Variants in CIMIP4 observed in about 807,000 individuals in gnomAD.
The protein encoded by CIMIP4 is protein EAN57.
the CIMIP4 span, among the ~76,000 whole-genome samples, chr22:36,996,913 G>C: frequency 6.6e-6 from 1 of 152,196 alleles, no homozygotes; most frequent in Non-Finnish European, 1.5e-5. Context: ...GTCACCGGGA[G>C]GAAAGATGAG....
chr22:37,002,450 G>A, the CIMIP4 span: 1 of 520,110 alleles, frequency 1.9e-6, no homozygotes, highest in Admixed American at 3.8e-5. Flanking sequence ...CAGAGAAGGG[G>A]AGAGGGACGG....
At chr22:36,991,712 G>T in the CIMIP4 span, 4 of 840,738 alleles carry the variant, frequency 4.8e-6, no homozygotes, top group Admixed American at 2.2e-5. Context: ...AGGAGAGTGG[G>T]AAGGGTTTCA....
chr22:36,999,999 AGG>A, the CIMIP4 span: 10 of 1,603,736 alleles, frequency 6.2e-6, no homozygotes, highest in Non-Finnish European at 7.7e-6. Context: ...GCAGGGAGGC[AGG>A]GATGACAGAC....
At chr22:36,992,192 C>T in the CIMIP4 span, among the ~76,000 whole-genome samples, 13 of 152,076 alleles carry the variant, frequency 8.5e-5, no homozygotes, top group African/African-American at 3.1e-4. Context: ...ACTAAAAATA[C>T]AAAAATTAGC....
chr22:37,000,195 G>A, the CIMIP4 span, among the ~76,000 whole-genome samples: 1 of 152,090 alleles, frequency 6.6e-6, no homozygotes, highest in Non-Finnish European at 1.5e-5. Context: ...CTGTGGGTGG[G>A]GGGCATCAAG....
chr22:37,001,931 C>T, the CIMIP4 span: 24 of 1,613,652 alleles, frequency 1.5e-5, no homozygotes, highest in Non-Finnish European at 1.9e-5. Context: ...CGTGGGCGTG[C>T]TCCTCTGGTC....
the CIMIP4 span, among the ~76,000 whole-genome samples, chr22:37,004,660 C>T: frequency 6.6e-6 from 1 of 151,456 alleles, no homozygotes; most frequent in Non-Finnish European, 1.5e-5. Flanking sequence ...CTGCAGCTTT[C>T]GTGCTTGTGT....
At chr22:37,002,073 CCA>C in the CIMIP4 span, 8 of 1,603,880 alleles carry the variant, frequency 5.0e-6, no homozygotes, top group South Asian at 9.0e-5. Flanking sequence ...GGGTCCATGC[CCA>C]GAGAATCCCT....
the CIMIP4 span, among the ~76,000 whole-genome samples, chr22:36,997,483 T>C: frequency 2.6e-5 from 4 of 152,230 alleles, no homozygotes; most frequent in Non-Finnish European, 5.9e-5. Flanking sequence ...AGAATCCTAC[T>C]ACATCAGGCC....
At chr22:36,998,626 C>T in the CIMIP4 span, among the ~76,000 whole-genome samples, 1 of 152,142 alleles carries the variant, frequency 6.6e-6, no homozygotes, top group Non-Finnish European at 1.5e-5. Flanking sequence ...GCAGAAGGAA[C>T]ACCTGACTTT....
At chr22:37,001,064 G>A in the CIMIP4 span, among the ~76,000 whole-genome samples, 2 of 152,158 alleles carry the variant, frequency 1.3e-5, no homozygotes, top group Admixed American at 1.3e-4. Flanking sequence ...GGGTTGAGAT[G>A]GTGGCTTTAA....
At chr22:36,991,429 C>T in the CIMIP4 span, 8 of 1,590,824 alleles carry the variant, frequency 5.0e-6, no homozygotes, top group African/African-American at 9.4e-5. Context: ...CCAACACACC[C>T]TGCTGGTGGA....
chr22:36,999,833 A>G, the CIMIP4 span: 1 of 1,611,130 alleles, frequency 6.2e-7, no homozygotes, highest in Non-Finnish European at 8.5e-7. Context: ...TTGCCCTTTG[A>G]CTTGACCTCG....
chr22:36,995,761 G>A, the CIMIP4 span, among the ~76,000 whole-genome samples: 1 of 152,136 alleles, frequency 6.6e-6, no homozygotes, highest in Non-Finnish European at 1.5e-5. Context: ...TGTAAGACGT[G>A]CCTTTCACCT....
chr22:37,005,911 T>A, the CIMIP4 span, among the ~76,000 whole-genome samples: 6 of 152,204 alleles, frequency 3.9e-5, no homozygotes, highest in East Asian at 1.2e-3. Context: ...AGAAATAGCT[T>A]CAGAAGGCTG....
chr22:36,995,142 C>T, the CIMIP4 span, among the ~76,000 whole-genome samples: 1 of 152,122 alleles, frequency 6.6e-6, no homozygotes, highest in Non-Finnish European at 1.5e-5. Context: ...AATCAGAATT[C>T]CAACAATGGA....
chr22:36,993,024 T>G, the CIMIP4 span, among the ~76,000 whole-genome samples: 4 of 149,976 alleles, frequency 2.7e-5, no homozygotes, highest in Non-Finnish European at 5.9e-5. Flanking sequence ...TTCTTTTTTT[T>G]TTTTTTGAGA....
the CIMIP4 span, among the ~76,000 whole-genome samples, chr22:36,999,576 A>AGGGGGGG: frequency 4.4e-3 from 13 of 2,928 alleles, no homozygotes; most frequent in African/African-American, 7.9e-3. Flanking sequence ...GGGGGAGGGG[A>AGGGGGGG]GGGGAGGGGG....
At chr22:37,007,218 G>T in the CIMIP4 span, among the ~76,000 whole-genome samples, 1 of 152,192 alleles carries the variant, frequency 6.6e-6, no homozygotes, top group Non-Finnish European at 1.5e-5. Flanking sequence ...GATTTGTTGT[G>T]CAGCAAGAGA....
Sources: gnomAD v4.1 joint callset for allele counts (sites outside exome capture counted in the v4.1 genomes callset) on GRCh38, gnomAD v4.1.1 for gene constraint, MANE v1.5 for transcripts, NCBI Gene and HGNC (gene_info 2026-07-23, HGNC 2026-07-21) for gene names.